The following AP3D1 variants were observed in gnomAD, a reference collection of about 807,000 sequenced individuals.
AP3D1 encodes adaptor related protein complex 3 subunit delta 1, also known as AP-3 complex subunit delta-1.
Under a neutral mutation model 147.6 loss-of-function variants are expected in AP3D1, and 51 were observed. The observed-to-expected ratio is 0.35, with a 90% CI of 0.28 to 0.44. The LOEUF is 0.44. AP3D1 is among the 20% of genes least tolerant of loss of function. The probability of loss-of-function intolerance (pLI) is 1.00; values close to 1 mark genes in which losing one functional copy is unlikely to be tolerated. For missense variants in AP3D1, 1,421 were observed against 1,624.2 expected (o/e 0.87, Z 2.15); for synonymous variants, 760 against 663.0 (o/e 1.15, Z -2.25).
In AP3D1 at chr19:2,121,760, G is replaced by C; in HGVS notation, c.1075C>G (p.Arg359Gly). The C allele has an allele frequency of 6.2e-7, 1 of 1,609,374 alleles. No individual in the cohort carries two copies. The highest frequency in any genetic ancestry group is 8.5e-7 in the Non-Finnish European group (1 of 1,178,136). Residue 359 changes from arginine to glycine, a missense_variant, in exon 12 of 32, where the codon CGG (arginine) becomes GGG (glycine). Coordinates refer to ENST00000643116, the MANE Select transcript of AP3D1 (RefSeq NM_001261826.3). ...ATCCCATAGAGCAGGTCCAGGGCCC[G>C]CAGCCGGATGGACTCGTCCTTGTCG... ...LDDKDESIRL[R>G]ALDLLYGMVS... is the part of the protein sequence containing the mutation.
Position 2,101,946 on chromosome 19 carries a change from G to A in AP3D1, c.*227C>T, listed in dbSNP as rs552301678. 1.9e-6 allele frequency: 1 copy of A among 522,942 alleles called. No individual in the cohort carries two copies. Among genetic ancestry groups the A allele is most frequent in the Non-Finnish European group, 3.4e-6 (1 of 293,902 alleles). 32.4% of individuals were successfully genotyped at this position (522,942 alleles called of 1,614,324 possible). A position where few individuals can be genotyped will look rare whatever the true frequency, so the allele number is the denominator to read the frequency against. ...GAGTCCCTTGCTGGTTTGGGGGCGA[G>A]AAGGGGACTTCTTGCCAAAGAGAAT... On this transcript the variant is annotated 3_prime_UTR_variant, in exon 32 of 32. Coordinates refer to ENST00000643116, the MANE Select transcript of AP3D1 (RefSeq NM_001261826.3).
At position 2,109,081 on chromosome 19, in the gene AP3D1, C is replaced by T. The variant is rs773374751; in HGVS notation, c.3472+5G>A. ...TGCAATCCATCAGCCCCTCACTCTCCTTACCGGAAAAATGGTGGTGAAAAC... is the reference window on the plus strand; with the variant it reads ...TGCAATCCATCAGCCCCTCACTCTCTTTACCGGAAAAATGGTGGTGAAAAC... On this transcript the variant is annotated splice_donor_5th_base_variant and intron_variant, in intron 30 of 31. Coordinates refer to ENST00000643116, the MANE Select transcript of AP3D1 (RefSeq NM_001261826.3). 2 of 1,608,512 alleles carry T rather than the reference C, an allele frequency of 1.2e-6. No homozygotes were observed. Among genetic ancestry groups the T allele is most frequent in the Non-Finnish European group, 1.7e-6 (2 of 1,178,410 alleles).
intron 1 of AP3D1, among the ~76,000 whole-genome samples, chr19:2,162,890 C>A (rs1023029326): frequency 6.6e-6 from 1 of 151,774 alleles, no homozygotes; most frequent in South Asian, 2.1e-4. Context: ...TGGTGTCCCC[C>A]GGGGACTTGG....
chr19:2,123,968 G>C (rs1016610623), intron 9 of AP3D1, 89 bp from the exon 10 acceptor site: 21 of 1,388,572 alleles, frequency 1.5e-5, no homozygotes, highest in Non-Finnish European at 2.0e-5. Context: ...GCACCCCCTC[G>C]CCGGGAGGAG....
intron 1 of AP3D1, among the ~76,000 whole-genome samples, chr19:2,141,162 CTAT>C (rs1273533822): frequency 6.6e-6 from 1 of 152,058 alleles, no homozygotes; most frequent in Non-Finnish European, 1.5e-5. Context: ...TATAATGTGG[CTAT>C]ACATCATTGA....
At chr19:2,119,422 G>A (rs950816250) in intron 14 of AP3D1, among the ~76,000 whole-genome samples, 15 of 151,894 alleles carry the variant, frequency 9.9e-5, no homozygotes, top group Admixed American at 2.6e-4. Context: ...GGGCGGGCAC[G>A]GTGGCTAACG....
At chr19:2,120,539 C>T (rs1192309895) in intron 14 of AP3D1, among the ~76,000 whole-genome samples, 1 of 152,190 alleles carries the variant, frequency 6.6e-6, no homozygotes, top group Non-Finnish European at 1.5e-5. Context: ...TTGCAGATGC[C>T]CAGGGCCAGC....
rs55759847 is a variant in AP3D1 at position 2,111,662 on chromosome 19, G to A, written c.2937+17C>T. The stretch of plus-strand genomic sequence containing the variant: ...AGGAACCCCGGCGTGGGGCGGGGGC[G>A]CTGAAGTACCCCTCACCGGGAGCTG... On this transcript the variant is annotated intron_variant, in intron 25 of 31. Coordinates refer to ENST00000643116, the MANE Select transcript of AP3D1 (RefSeq NM_001261826.3). The A allele has an allele frequency of 0.15, 236,034 of 1,571,340 alleles. 18,956 individuals are homozygous for A. The highest frequency in any genetic ancestry group is 0.16 in the Non-Finnish European group (191,280 of 1,162,164).
intron 10 of AP3D1, among the ~76,000 whole-genome samples, 194 bp downstream of exon 10, chr19:2,123,636 C>G (rs555133396): frequency 6.6e-6 from 1 of 152,316 alleles, no homozygotes; most frequent in South Asian, 2.1e-4. Context: ...TGCATCCACC[C>G]CACAGACACA....
At chr19:2,125,933 GC>G (rs2145089832) in intron 9 of AP3D1, among the ~76,000 whole-genome samples, 1 of 151,946 alleles carries the variant, frequency 6.6e-6, no homozygotes, top group African/African-American at 2.4e-5. Flanking sequence ...GATGGCTTGA[GC>G]CCAGGAGTTC....
At chr19:2,164,403 C>A in exon 1 of AP3D1, 1 of 523,548 alleles carries the variant, frequency 1.9e-6, no homozygotes, top group South Asian at 9.6e-5. Flanking sequence ...GTCGCTGCTC[C>A]ACCCCCGTTG....
At chr19:2,133,873 T>C (rs1331231421) in intron 4 of AP3D1, among the ~76,000 whole-genome samples, 1 of 150,862 alleles carries the variant, frequency 6.6e-6, no homozygotes, top group African/African-American at 2.4e-5. Flanking sequence ...ACTTTGGGAG[T>C]CTGAGGCGGG....
rs146101906 is a variant in AP3D1 at position 2,140,589 on chromosome 19, G to A, written c.97-1875C>T. Among the ~76,000 whole-genome samples, 1,287 of 151,220 alleles carry A rather than the reference G, an allele frequency of 8.5e-3. 12 individuals carry two copies. Among genetic ancestry groups the A allele is most frequent in the Non-Finnish European group, 0.012 (802 of 67,818 alleles). On this transcript the variant is annotated intron_variant, in intron 1 of 31. Coordinates refer to ENST00000643116, the MANE Select transcript of AP3D1 (RefSeq NM_001261826.3). The stretch of plus-strand genomic sequence containing the variant: ...ACCCCAGACTCAAGTGATCCTCCCC[G>A]CTAGCCTCCCAAAGCACTGGGACCA...
chr19:2,128,513 CA>C (rs2145101980), intron 8 of AP3D1, among the ~76,000 whole-genome samples: 1 of 100,266 alleles, frequency 1.0e-5, no homozygotes, highest in Non-Finnish European at 2.0e-5. Context: ...GCCCGCCCCA[CA>C]GCTCCGACAC....
At chr19:2,148,373 G>A (rs927505536) in intron 1 of AP3D1, among the ~76,000 whole-genome samples, 1 of 152,126 alleles carries the variant, frequency 6.6e-6, no homozygotes, top group South Asian at 2.1e-4. Context: ...AACCCGATAC[G>A]TTTACACGTA....
At chr19:2,157,106 C>T (rs1479124358) in intron 1 of AP3D1, among the ~76,000 whole-genome samples, 1 of 151,572 alleles carries the variant, frequency 6.6e-6, no homozygotes, top group African/African-American at 2.4e-5. Context: ...CATCATCCAT[C>T]CATCCATCCA....
intron 14 of AP3D1, among the ~76,000 whole-genome samples, chr19:2,119,579 C>T (rs986912401): frequency 2.0e-5 from 3 of 151,732 alleles, no homozygotes; most frequent in Admixed American, 2.0e-4. Context: ...GCCTGTAGTC[C>T]CAGCTACTTG....
intron 11 of AP3D1, among the ~76,000 whole-genome samples, chr19:2,122,734 T>C (rs1394277825): frequency 2.0e-5 from 3 of 152,340 alleles, no homozygotes; most frequent in Admixed American, 2.0e-4. Flanking sequence ...ATTTTTGGAC[T>C]GTGTTGGGGG....
chr19:2,164,364 C>T, exon 1 of AP3D1: 2 of 803,554 alleles, frequency 2.5e-6, no homozygotes, highest in Non-Finnish European at 3.3e-6. Flanking sequence ...ACCGGTCCCC[C>T]CTGCGGAACG....
Sources: allele counts gnomAD v4.1 joint callset (sites outside exome capture counted in the v4.1 genomes callset), GRCh38; gene constraint gnomAD v4.1.1; transcripts MANE v1.5; gene names NCBI Gene and HGNC (gene_info 2026-07-23, HGNC 2026-07-21).